RELN: variants seen among roughly 807,000 people sequenced by gnomAD.
RELN encodes reelin.
In RELN, 108 loss-of-function variants were observed where a neutral mutation model predicts 427.6. The observed-to-expected ratio is 0.25, with a 90% confidence interval of 0.22 to 0.30. The LOEUF is 0.30. RELN is among the 10% of genes least tolerant of loss of function. The pLI is 1.00. For missense variants in RELN, 3,715 were observed against 4,302.8 expected, an observed-to-expected ratio of 0.86 and a Z score of 3.82; for synonymous variants, 1,524 against 1,513.4, an observed-to-expected ratio of 1.01 and a Z score of -0.16.
chr7:103,920,266 A>G (rs12533383), intron 1 of RELN, among the ~76,000 whole-genome samples: 38,807 of 152,088 alleles, frequency 0.26, 5,903 homozygotes, highest in Non-Finnish European at 0.34. Flanking sequence ...TGTAGGTAAA[A>G]GACATAAATT....
intron 3 of RELN, among the ~76,000 whole-genome samples, chr7:103,800,529 A>G (rs906106724): frequency 3.3e-5 from 5 of 152,180 alleles, no homozygotes; most frequent in Non-Finnish European, 5.9e-5. Context: ...CTAGTCATAT[A>G]TAGAAAGCTG....
intron 1 of RELN, among the ~76,000 whole-genome samples, chr7:103,924,407 A>G (rs1795680526): frequency 6.6e-6 from 1 of 151,900 alleles, no homozygotes; most frequent in African/African-American, 2.4e-5. Context: ...GCTTAAGATC[A>G]AAATAATAAG....
intron 1 of RELN, among the ~76,000 whole-genome samples, chr7:103,928,135 C>T (rs569440443): frequency 3.3e-5 from 5 of 152,262 alleles, no homozygotes; most frequent in African/African-American, 9.6e-5. Context: ...TCACAATTAT[C>T]TGTACACAGA....
At position 103,826,981 on chromosome 7, in the gene RELN, G is replaced by A. The variant is rs184052812; in HGVS notation, c.473+6556C>T. 6.9e-4 allele frequency among the ~76,000 whole-genome samples: 104 copies of A among 150,276 alleles called. 1 individual carries two copies. Among genetic ancestry groups the A allele is most frequent in the African/African-American group, 2.4e-3 (97 of 40,868 alleles). ...TACATGAGATGAAAAGAAAGGAAGA[G>A]GTTGTTTTGCTATAGCTTTTTTTTT... On this transcript the variant is annotated intron_variant, in intron 3 of 64. Coordinates refer to ENST00000428762, the MANE Select transcript of RELN (RefSeq NM_005045.4).
At chr7:103,694,621 T>C (rs1263338186) in intron 10 of RELN, among the ~76,000 whole-genome samples, 2 of 152,096 alleles carry the variant, frequency 1.3e-5, no homozygotes, top group African/African-American at 4.8e-5. Flanking sequence ...TATCTGTGTT[T>C]GGAAATTTTT....
rs185822774 is a variant in RELN, at chr7:103,553,890, T to C, written c.5798-59A>G. ...GTGATGAAAATCAAATGAACACTTTTGCTCATTGAAAGAAAGCAAAGGACA... is the reference window on the plus strand; with the variant it reads ...GTGATGAAAATCAAATGAACACTTTCGCTCATTGAAAGAAAGCAAAGGACA... On this transcript the variant is annotated intron_variant, in intron 38 of 64. Coordinates refer to ENST00000428762, the MANE Select transcript of RELN (RefSeq NM_005045.4). 1.0e-5 allele frequency: 15 copies of C among 1,455,938 alleles called. No individual in the cohort carries two copies. In the East Asian group the frequency reaches 3.4e-4, roughly 33 times the overall value. 90.2% of individuals were successfully genotyped at this position (1,455,938 alleles called of 1,614,324 possible).
At chr7:103,583,575 A>G (rs1469490388) in intron 28 of RELN, among the ~76,000 whole-genome samples, 2 of 152,250 alleles carry the variant, frequency 1.3e-5, no homozygotes, top group African/African-American at 4.8e-5. Flanking sequence ...AAGATGGCTG[A>G]CCAGAGATAT....
At chr7:103,714,669 C>G (rs1562968398) in intron 8 of RELN, among the ~76,000 whole-genome samples, 1 of 152,062 alleles carries the variant, frequency 6.6e-6, no homozygotes, top group Non-Finnish European at 1.5e-5. Flanking sequence ...GGGGCCGTAG[C>G]CAAAACAGCA....
Position 103,686,846 on chromosome 7 carries a change from C to T in RELN, c.1144-4585G>A, listed in dbSNP as rs1346079494. On this transcript the variant is annotated intron_variant, in intron 10 of 64. Coordinates refer to ENST00000428762, the MANE Select transcript of RELN (RefSeq NM_005045.4). ...ACTTAAAATAGAAAGAGAACGATTT[C>T]TCTCATGAGGCAAAATAAATTTCTA... 2.6e-5 allele frequency among the ~76,000 whole-genome samples: 4 copies of T among 152,106 alleles called. No homozygotes were observed. The South Asian group carries it at 8.3e-4, about 31-fold the overall frequency.
At chr7:103,543,480 T>A (rs1307071045) in intron 42 of RELN, among the ~76,000 whole-genome samples, 1 of 152,054 alleles carries the variant, frequency 6.6e-6, no homozygotes, top group East Asian at 1.9e-4. Flanking sequence ...ACCCTGTCTC[T>A]ACTAAAAATA....
intron 1 of RELN, among the ~76,000 whole-genome samples, chr7:103,947,022 A>ATAATAGG (rs1796233388): frequency 6.6e-6 from 1 of 152,192 alleles, no homozygotes; most frequent in Non-Finnish European, 1.5e-5. Context: ...TAGCTGTGGA[A>ATAATAGG]ATAATAGGAT....
chr7:103,661,789 A>G lies in RELN; in HGVS notation c.1290-262T>C, dbSNP rs535962778. ...AATCAATCTTGTATACGGTGTGTCT[A>G]CTTGTGATCAGAGCCATGCTCCAGA... On this transcript the variant is annotated intron_variant, in intron 11 of 64. Transcript: ENST00000428762. Among the ~76,000 whole-genome samples the G allele has an allele frequency of 5.9e-5, 9 of 152,296 alleles. No individual in the cohort carries two copies. In the East Asian group the frequency reaches 1.7e-3, roughly 29 times the overall value.
chr7:103,726,244 C>T (rs1425468871), intron 7 of RELN, among the ~76,000 whole-genome samples: 1 of 152,118 alleles, frequency 6.6e-6, no homozygotes, highest in African/African-American at 2.4e-5. Context: ...GCTTCAGGAA[C>T]ACCAATACAG....
chr7:103,581,070 T>C (rs1831119934), intron 28 of RELN, among the ~76,000 whole-genome samples: 1 of 152,134 alleles, frequency 6.6e-6, no homozygotes, highest in African/African-American at 2.4e-5. Context: ...CACAGATATG[T>C]TCTTATGGAA....
chr7:103,731,557 G>A (rs140013462), intron 6 of RELN, among the ~76,000 whole-genome samples: 13 of 152,130 alleles, frequency 8.5e-5, no homozygotes, highest in Middle Eastern at 3.4e-3. Flanking sequence ...ACTGTCCAAG[G>A]TTACACAGCT....
chr7:103,862,438 T>A (rs1341819776), intron 2 of RELN, among the ~76,000 whole-genome samples: 1 of 151,838 alleles, frequency 6.6e-6, no homozygotes, highest in Non-Finnish European at 1.5e-5. Context: ...TATCTATCTA[T>A]CTATCTATCT....
chr7:103,561,798 G>C lies in RELN; in HGVS notation c.5351+15C>G, dbSNP rs1000295734. The C allele has an allele frequency of 1.2e-6, 2 of 1,613,782 alleles. No individual in the cohort carries two copies. Among genetic ancestry groups the C allele is most frequent in the African/African-American group, 2.7e-5 (2 of 74,888 alleles). ...TGCGTTACAAAGAAAGAAACTGTCAGTTTTATTAACTTACACACAGCGTCC... is the reference window on the plus strand; with the variant it reads ...TGCGTTACAAAGAAAGAAACTGTCACTTTTATTAACTTACACACAGCGTCC... On this transcript the variant is annotated intron_variant, in intron 35 of 64. Coordinates refer to ENST00000428762, the MANE Select transcript of RELN (RefSeq NM_005045.4).
At chr7:103,510,766 A>C (rs1255714086) in intron 51 of RELN, 85 bp downstream of exon 51, 4 of 1,136,048 alleles carry the variant, frequency 3.5e-6, no homozygotes, top group African/African-American at 1.5e-5. Context: ...TAAGTCAATG[A>C]AATATTAGAT....
At chr7:103,473,457 T>C (rs1020733539) in intron 64 of RELN, among the ~76,000 whole-genome samples, 20 of 152,196 alleles carry the variant, frequency 1.3e-4, no homozygotes, top group African/African-American at 4.3e-4. Context: ...TTTCTCAGAA[T>C]GTTGGATTCT....
Sources: gnomAD v4.1 joint callset for allele counts (sites outside exome capture counted in the v4.1 genomes callset) on GRCh38, gnomAD v4.1.1 for gene constraint, MANE v1.5 for transcripts, NCBI Gene and HGNC (gene_info 2026-07-23, HGNC 2026-07-21) for gene names.